The following BBS9 variants were observed in gnomAD, a reference collection of about 807,000 sequenced individuals.
BBS9 encodes protein PTHB1.
Under a neutral mutation model 117.7 loss-of-function variants are expected in BBS9, and 89 were observed. That is an observed-to-expected ratio of 0.76 (90% CI 0.64 to 0.90). The LOEUF (loss-of-function observed/expected upper bound fraction) is 0.90. Ranked by LOEUF, BBS9 falls within the 40% of genes least tolerant of loss-of-function variation. BBS9 has a pLI of 0.00. For synonymous variants in BBS9, 379 were observed against 370.9 expected, an observed-to-expected ratio of 1.02 and a Z score of -0.25; for missense variants, 982 against 1,042.2, an observed-to-expected ratio of 0.94 and a Z score of 0.80.
intron 19 of BBS9, among the ~76,000 whole-genome samples, chr7:33,438,519 G>A (rs1835649644): frequency 6.6e-6 from 1 of 152,174 alleles, no homozygotes; most frequent in Non-Finnish European, 1.5e-5. Flanking sequence ...AGGAGAAAAT[G>A]TAAGCTGCCA....
chr7:33,628,244 A>G (rs184730999), intron 21 of BBS9, among the ~76,000 whole-genome samples: 1 of 152,170 alleles, frequency 6.6e-6, no homozygotes, highest in Non-Finnish European at 1.5e-5. Context: ...ACACAAACAG[A>G]AGAATAAAAA....
chr7:33,211,500 A>G lies in BBS9; in HGVS notation c.442+33909A>G, dbSNP rs561919747. Among the ~76,000 whole-genome samples, 77 of 151,978 alleles carry G rather than the reference A, an allele frequency of 5.1e-4. No individual in the cohort carries two copies. In the South Asian group the frequency reaches 0.016, roughly 31 times the overall value. On this transcript the variant is annotated intron_variant, in intron 5 of 22. Coordinates refer to ENST00000242067, the MANE Select transcript of BBS9 (RefSeq NM_198428.3). Reference sequence around the variant, plus strand: ...TTTTTTTTGTTTATTTTTGATTGTTATTATCCCCCTGCTTTTTAACTTTTG... The same window carrying G: ...TTTTTTTTGTTTATTTTTGATTGTTGTTATCCCCCTGCTTTTTAACTTTTG...
At chr7:33,361,959 T>C (rs1181611019) in intron 16 of BBS9, among the ~76,000 whole-genome samples, 1 of 152,164 alleles carries the variant, frequency 6.6e-6, no homozygotes, top group Non-Finnish European at 1.5e-5. Flanking sequence ...GTTTGATTTC[T>C]GTATTTATCT....
At chr7:33,570,578 T>C (rs1339829202) in intron 21 of BBS9, among the ~76,000 whole-genome samples, 1 of 152,088 alleles carries the variant, frequency 6.6e-6, no homozygotes, top group African/African-American at 2.4e-5. Context: ...CTAACATCAG[T>C]GAGAGAAAGT....
At chr7:33,398,835 G>A (rs1220885443) in intron 19 of BBS9, among the ~76,000 whole-genome samples, 3 of 152,044 alleles carry the variant, frequency 2.0e-5, no homozygotes, top group Admixed American at 6.6e-5. Flanking sequence ...ACAGGCACGC[G>A]CCACCAAACC....
At chr7:33,286,578 G>A (rs1802936610) in intron 9 of BBS9, among the ~76,000 whole-genome samples, 1 of 152,066 alleles carries the variant, frequency 6.6e-6, no homozygotes. Context: ...TTATTTTTAT[G>A]GGTTCCTGAG....
At chr7:33,549,340 G>A (rs1157790505) in intron 21 of BBS9, among the ~76,000 whole-genome samples, 1 of 142,292 alleles carries the variant, frequency 7.0e-6, no homozygotes, top group Non-Finnish European at 1.5e-5. Flanking sequence ...GAAAACCTAG[G>A]CATCACCATT....
chr7:33,248,984 T>C (rs1795804904), intron 5 of BBS9, among the ~76,000 whole-genome samples: 1 of 152,202 alleles, frequency 6.6e-6, no homozygotes, highest in African/African-American at 2.4e-5. Context: ...TTTTACTCAA[T>C]GTGTAAAAGA....
At chr7:33,355,976 C>T (rs1167146429) in intron 15 of BBS9, among the ~76,000 whole-genome samples, 5 of 151,776 alleles carry the variant, frequency 3.3e-5, no homozygotes, top group Non-Finnish European at 3.0e-5. Flanking sequence ...GGAACATTCA[C>T]AGCCAAATTC....
chr7:33,383,332 G>T (rs755930858), intron 17 of BBS9, among the ~76,000 whole-genome samples: 7 of 152,012 alleles, frequency 4.6e-5, no homozygotes, highest in South Asian at 2.1e-4. Flanking sequence ...TCTTGCAATG[G>T]CTCTTTTCTT....
At chr7:33,234,451 C>A (rs1793094591) in intron 5 of BBS9, among the ~76,000 whole-genome samples, 2 of 151,962 alleles carry the variant, frequency 1.3e-5, no homozygotes, top group South Asian at 4.2e-4. Flanking sequence ...GTTCCATTAC[C>A]TCATATAGTT....
intron 20 of BBS9, among the ~76,000 whole-genome samples, chr7:33,528,526 T>G (rs1411344077): frequency 3.3e-5 from 5 of 152,206 alleles, no homozygotes; most frequent in Admixed American, 3.3e-4. Flanking sequence ...TTTAAGGATA[T>G]TACTTGGAAA....
intron 5 of BBS9, among the ~76,000 whole-genome samples, chr7:33,254,947 T>G (rs1796796104): frequency 6.6e-6 from 1 of 152,224 alleles, no homozygotes; most frequent in Non-Finnish European, 1.5e-5. Flanking sequence ...GTTGGCGATT[T>G]GTATGTCTTA....
At chr7:33,297,267 G>C (rs1304083105) in intron 9 of BBS9, among the ~76,000 whole-genome samples, 1 of 152,074 alleles carries the variant, frequency 6.6e-6, no homozygotes, top group African/African-American at 2.4e-5. Flanking sequence ...CATCAGATTT[G>C]TTTTAGAGGT....
intron 19 of BBS9, among the ~76,000 whole-genome samples, chr7:33,481,516 C>T (rs1406763982): frequency 6.6e-6 from 1 of 152,070 alleles, no homozygotes; most frequent in Non-Finnish European, 1.5e-5. Context: ...ATGAACAAAG[C>T]AGTGTACAAA....
chr7:33,503,849 G>C (rs1196622849), intron 19 of BBS9, among the ~76,000 whole-genome samples: 1 of 152,128 alleles, frequency 6.6e-6, no homozygotes, highest in African/African-American at 2.4e-5. Flanking sequence ...AGGAAAGTGG[G>C]CTCTTTCCAT....
intron 19 of BBS9, among the ~76,000 whole-genome samples, chr7:33,437,777 G>A (rs1835519964): frequency 6.6e-6 from 1 of 152,080 alleles, no homozygotes; most frequent in African/African-American, 2.4e-5. Flanking sequence ...TCAAGAGGCC[G>A]AGGCAGGAGA....
intron 19 of BBS9, among the ~76,000 whole-genome samples, chr7:33,476,411 G>A (rs1220206669): frequency 1.3e-5 from 2 of 152,216 alleles, no homozygotes; most frequent in Non-Finnish European, 2.9e-5. Context: ...CAGCTGGGAG[G>A]CACTGGGAGG....
intron 19 of BBS9, among the ~76,000 whole-genome samples, chr7:33,448,600 G>A (rs982422013): frequency 1.3e-5 from 2 of 152,220 alleles, no homozygotes; most frequent in Admixed American, 1.3e-4. Flanking sequence ...TACCTGTAAT[G>A]TAAGCATTCA....
Sources: allele counts gnomAD v4.1 joint callset (sites outside exome capture counted in the v4.1 genomes callset), GRCh38; gene constraint gnomAD v4.1.1; transcripts MANE v1.5; gene names NCBI Gene and HGNC (gene_info 2026-07-23, HGNC 2026-07-21).